Variants in CDCP2 observed in about 807,000 individuals in gnomAD.
CDCP2 encodes CUB domain containing protein 2, also known as CUB domain-containing protein 2.
In CDCP2, 31 loss-of-function variants were observed where a neutral mutation model predicts 31.0. The ratio of observed to expected loss-of-function variants is 1.00; its 90% CI spans 0.75 to 1.35. CDCP2 has a LOEUF of 1.35. Ranked by LOEUF, CDCP2 falls within the 40% of genes most tolerant of loss-of-function variation. The pLI is 0.00. For synonymous variants in CDCP2, 206 were observed against 207.9 expected, an observed-to-expected ratio of 0.99 and a Z score of 0.08; for missense variants, 443 against 482.6, an observed-to-expected ratio of 0.92 and a Z score of 0.77.
At chr1:54,148,109 C>T (rs549511142) in intron 1 of CDCP2, among the ~76,000 whole-genome samples, 61 of 151,828 alleles carry the variant, frequency 4.0e-4, no homozygotes, top group Middle Eastern at 3.4e-3. Flanking sequence ...GTTCTAATCA[C>T]TGAGTAAAAA....
At chr1:54,141,700 G>A (rs754148614) in intron 2 of CDCP2, 8 of 361,134 alleles carry the variant, frequency 2.2e-5, no homozygotes, top group Non-Finnish European at 4.0e-5. Context: ...AGAAAAGGGA[G>A]GCAAAGACAA....
In CDCP2 at chr1:54,144,699, C is replaced by T. The variant is rs747517506; in HGVS notation, c.194G>A (p.Gly65Glu). ...ATGGAAGGTGAGCAGCACCGAGGATCCCTCGGCCACCACGATCAGCCAGCT... is the reference window on the plus strand; with the variant it reads ...ATGGAAGGTGAGCAGCACCGAGGATTCCTCGGCCACCACGATCAGCCAGCT... The change falls in exon 2 of 6, where the codon GGA becomes GAA. Residue 65 changes from glycine (G) to glutamate (E), a missense_variant. Physicochemically the swap from Gly to Glu is moderately conservative, Grantham distance 98. Transcript: ENST00000530059. The T allele has an allele frequency of 1.3e-5, 21 of 1,614,114 alleles. No homozygotes were observed. Among genetic ancestry groups the T allele is most frequent in the Non-Finnish European group, 1.7e-5 (20 of 1,180,048 alleles).
chr1:54,146,855 C>T (rs1226821761), intron 1 of CDCP2, among the ~76,000 whole-genome samples: 2 of 151,622 alleles, frequency 1.3e-5, no homozygotes, highest in East Asian at 3.9e-4. Context: ...GTGGGCGGAT[C>T]GTTTGAGCTC....
At chr1:54,144,428 T>C (rs1224242734) in intron 2 of CDCP2, 38 bp downstream of exon 2, 1 of 1,517,534 alleles carries the variant, frequency 6.6e-7, no homozygotes, top group Non-Finnish European at 8.9e-7. Context: ...ATTACAGGTG[T>C]GAGCCACTGC....
At chr1:54,136,782 G>A (rs1020581060) in exon 5 of CDCP2, 15 of 399,136 alleles carry the variant, frequency 3.8e-5, no homozygotes, top group Non-Finnish European at 5.3e-5. Flanking sequence ...AAGTCCGTGC[G>A]GGAGCAGCTC....
chr1:54,143,161 T>C (rs375045806), intron 2 of CDCP2, among the ~76,000 whole-genome samples: 5 of 151,796 alleles, frequency 3.3e-5, no homozygotes, highest in East Asian at 3.9e-4. Flanking sequence ...CATGGCAAAA[T>C]CCTGTCTCTA....
chr1:54,149,470 GGATTCATTGTAT>G (rs1333989048), intron 1 of CDCP2, among the ~76,000 whole-genome samples: 1 of 149,302 alleles, frequency 6.7e-6, no homozygotes, highest in Non-Finnish European at 1.5e-5. Flanking sequence ...GGGGACGTAG[GGATTCATTGTAT>G]GATTTTCTGT....
rs112028456 is a variant in CDCP2, at chr1:54,140,086, T to G, written c.784A>C (p.Met262Leu). 6 of 1,613,302 alleles carry G rather than the reference T, an allele frequency of 3.7e-6. No homozygotes were observed. The African/African-American group carries it at 5.3e-5, about 14-fold the overall frequency. The change falls in exon 4 of 6, where the codon ATG becomes CTG. Residue 262 changes from methionine to leucine, a missense_variant. Transcript: ENST00000530059. The stretch of plus-strand genomic sequence containing the variant: ...CTGGAGAAGTTGCCCCGCATGGCCA[T>G]GTATACCTCCTGGCATTCTCCTGGA...
chr1:54,133,388 GC>G (rs1423910380), intron 5 of CDCP2, 94 bp from the exon 6 acceptor site: 1 of 397,790 alleles, frequency 2.5e-6, no homozygotes. Context: ...GGGGGGCAGA[GC>G]CCGAGGAGCC....
exon 1 of CDCP2, chr1:54,152,912 T>C (rs1323528750): frequency 3.2e-5 from 51 of 1,613,986 alleles, no homozygotes; most frequent in Non-Finnish European, 4.2e-5. Flanking sequence ...AGCCCCCCAC[T>C]CTGCCAGCAT....
chr1:54,150,874 C>T (rs182422632), intron 1 of CDCP2, among the ~76,000 whole-genome samples: 2 of 152,338 alleles, frequency 1.3e-5, no homozygotes, highest in Admixed American at 6.5e-5. Flanking sequence ...AAGACACATT[C>T]GCTAAACATG....
intron 4 of CDCP2, chr1:54,137,692 T>TGC (rs71063902): frequency 3.4e-5 from 5 of 146,092 alleles, no homozygotes; most frequent in Admixed American, 6.8e-5. Context: ...TGCGTGTGTG[T>TGC]GTGTGTGTGT....
At chr1:54,133,909 C>CAAACAAAA (rs1553173252) in intron 5 of CDCP2, among the ~76,000 whole-genome samples, 2 of 9,862 alleles carry the variant, frequency 2.0e-4, no homozygotes, top group African/African-American at 3.1e-4. Flanking sequence ...AACAAACAAA[C>CAAACAAAA]AAACAAAAAA....
At chr1:54,147,696 A>C (rs17109915) in intron 1 of CDCP2, among the ~76,000 whole-genome samples, 18,099 of 151,766 alleles carry the variant, frequency 0.12, 1,297 homozygotes, top group Middle Eastern at 0.15. Flanking sequence ...AGACTTCAGA[A>C]AGAATAACAA....
At chr1:54,150,899 C>T (rs2100434985) in intron 1 of CDCP2, among the ~76,000 whole-genome samples, 1 of 152,352 alleles carries the variant, frequency 6.6e-6, no homozygotes, top group South Asian at 2.1e-4. Flanking sequence ...CTGTACCAGG[C>T]TTGTGCTGAT....
intron 5 of CDCP2, 69 bp downstream of exon 5, chr1:54,136,561 G>A: frequency 7.5e-6 from 3 of 399,068 alleles, no homozygotes; most frequent in Non-Finnish European, 1.3e-5. Flanking sequence ...TGAATTTTCA[G>A]GAATGTGAGA....
chr1:54,140,159 T>C, intron 3 of CDCP2, 53 bp from the exon 4 acceptor site: 14 of 1,524,696 alleles, frequency 9.2e-6, no homozygotes, highest in Non-Finnish European at 1.2e-5. Flanking sequence ...AGAGGAGAAG[T>C]CACTCTCTGC....
chr1:54,150,195 G>T (rs1659556676), intron 1 of CDCP2, among the ~76,000 whole-genome samples: 1 of 152,242 alleles, frequency 6.6e-6, no homozygotes, highest in Non-Finnish European at 1.5e-5. Flanking sequence ...TGCCCAGATA[G>T]GGGTTCTTTC....
chr1:54,147,066 A>G (rs1014626015), intron 1 of CDCP2, among the ~76,000 whole-genome samples: 3 of 121,834 alleles, frequency 2.5e-5, no homozygotes, highest in African/African-American at 3.4e-5. Context: ...ACAGAGCAAG[A>G]CTCCATCTCA....
Sources: gnomAD v4.1 joint callset for allele counts (sites outside exome capture counted in the v4.1 genomes callset) on GRCh38, gnomAD v4.1.1 for gene constraint, MANE v1.5 for transcripts, NCBI Gene and HGNC (gene_info 2026-07-23, HGNC 2026-07-21) for gene names.